WASHC2C: variants seen among roughly 807,000 people sequenced by gnomAD.
WASHC2C encodes WASH complex subunit 2C.
In WASHC2C, 73 loss-of-function variants were observed where a neutral mutation model predicts 142.2. The observed-to-expected ratio is 0.51, with a 90% CI of 0.43 to 0.62. The LOEUF (loss-of-function observed/expected upper bound fraction) is 0.62. WASHC2C is among the 20% of genes least tolerant of loss of function. The pLI is 0.00. For missense variants in WASHC2C, 969 were observed against 1,531.7 expected (o/e 0.63, Z 6.13); for synonymous variants, 337 against 565.5 (o/e 0.60, Z 5.73).
chr10:45,789,184 A>C lies in WASHC2C; in HGVS notation c.3401A>C (p.Asp1134Ala), dbSNP rs1432060279. The C allele has an allele frequency of 6.2e-7, 1 of 1,611,918 alleles. No individual in the cohort carries two copies. The highest frequency in any genetic ancestry group is 1.3e-5 in the African/African-American group (1 of 74,854). ...RGEADLFDSGDIFSTGTGSQS... is the reference protein window; with the variant it reads ...RGEADLFDSGAIFSTGTGSQS... ...GAGGCTGACCTTTTTGATTCTGGGGACATTTTTTCCACGGGCACTGGATCT... is the reference window on the plus strand; with the variant it reads ...GAGGCTGACCTTTTTGATTCTGGGGCCATTTTTTCCACGGGCACTGGATCT... Residue 1134 changes from aspartate to alanine, a missense_variant, in exon 29 of 31, where the codon GAC (aspartate) becomes GCC (alanine). Asp to Ala is a moderately radical substitution (Grantham distance 126, BLOSUM62 -2). Coordinates refer to ENST00000623400, the MANE Select transcript of WASHC2C (RefSeq NM_001330074.2).
chr10:45,777,542 T>G (rs2057202455), intron 22 of WASHC2C, 117 bp downstream of exon 22: 1 of 1,143,012 alleles, frequency 8.7e-7, no homozygotes, highest in Non-Finnish European at 1.3e-6. Flanking sequence ...GTAGACAGAT[T>G]TGAAAACATA....
At chr10:45,739,473 C>T (rs1374791332) in intron 4 of WASHC2C, among the ~76,000 whole-genome samples, 1 of 151,730 alleles carries the variant, frequency 6.6e-6, no homozygotes, top group Non-Finnish European at 1.5e-5. Flanking sequence ...GGGAGATTCT[C>T]AGCCTGTTGG....
Position 45,727,331 on chromosome 10 carries a change from C to CGGGCCGGAGAG in WASHC2C, c.3+19_3+29dup, listed in dbSNP as rs1564677050. ...CGGGCGGCTGGGATGGTGAGGGCGG[C>CGGGCCGGAGAG]GGGCCGGAGAGGGGCCGGCCTGGGC... On this transcript the variant is annotated intron_variant, in intron 1 of 30. Transcript: ENST00000623400. 6.3e-6 allele frequency: 10 copies of CGGGCCGGAGAG among 1,584,490 alleles called. No individual in the cohort carries two copies. The highest frequency in any genetic ancestry group is 8.6e-6 in the Non-Finnish European group (10 of 1,166,834).
chr10:45,760,053 A>G (rs2054893487), intron 17 of WASHC2C, among the ~76,000 whole-genome samples: 1 of 149,046 alleles, frequency 6.7e-6, no homozygotes, highest in South Asian at 2.2e-4. Flanking sequence ...CTCACTAACT[A>G]GACCGTGGCT....
intron 3 of WASHC2C, among the ~76,000 whole-genome samples, chr10:45,734,219 C>T (rs1187585631): frequency 2.0e-5 from 3 of 151,744 alleles, no homozygotes; most frequent in African/African-American, 4.8e-5. Context: ...AGCAAGACTC[C>T]GTCTCAAAAA....
In WASHC2C at chr10:45,777,315, G is replaced by A. The variant is rs377280301; in HGVS notation, c.2185G>A (p.Asp729Asn). The A allele has an allele frequency of 1.6e-5, 25 of 1,604,214 alleles. No individual in the cohort carries two copies. The highest frequency in any genetic ancestry group is 4.5e-5 in the East Asian group (2 of 44,402). ...VSEAPPLLFS[D>N]EEEKEAQLGV... Reference sequence around the variant, plus strand: ...TGAGGCACCACCTTTGCTGTTCAGCGATGAAGAAGAGAAGGAGGCACAACT... The same window carrying A: ...TGAGGCACCACCTTTGCTGTTCAGCAATGAAGAAGAGAAGGAGGCACAACT... The change falls in exon 22 of 31, where the codon GAT becomes AAT. Residue 729 changes from aspartate to asparagine, a missense_variant. Transcript: ENST00000623400.
intron 18 of WASHC2C, among the ~76,000 whole-genome samples, chr10:45,763,794 C>A (rs1392628178): frequency 2.6e-5 from 4 of 151,724 alleles, no homozygotes; most frequent in Non-Finnish European, 5.9e-5. Flanking sequence ...TCACTGTAAC[C>A]GGGTTCAGGT....
intron 15 of WASHC2C, 95 bp downstream of exon 15, chr10:45,755,210 T>C: frequency 6.6e-7 from 1 of 1,513,560 alleles, no homozygotes. Flanking sequence ...TCTCTTACAG[T>C]GCCAGAATCC....
At position 45,743,447 on chromosome 10, in the gene WASHC2C, C is replaced by T; in HGVS notation, c.586C>T (p.Gln196Ter). The T allele has an allele frequency of 6.2e-7, 1 of 1,611,868 alleles. No individual in the cohort carries two copies. Among genetic ancestry groups the T allele is most frequent in the Admixed American group, 1.7e-5 (1 of 60,010 alleles). ...CATTGGGTCAAAGCTGTTCATGGAA[C>T]AAGAAGATGTAGGTCTTGGAGAGCT... is the stretch of plus-strand genomic sequence containing the variant. ...YLIGSKLFMEQEDVGLGELSS... is the reference protein window; with the variant it reads ...YLIGSKLFME Residue 196 changes from glutamine (Q) to a stop codon, truncating the protein, a stop_gained, in exon 6 of 31, where the codon CAA becomes TAA. Transcript: ENST00000623400. LOFTEE classifies it high-confidence loss of function.
Position 45,789,338 on chromosome 10 carries a change from T to C in WASHC2C, c.3555T>C (p.Phe1185=). 1 of 1,612,052 alleles carries C rather than the reference T, an allele frequency of 6.2e-7. No homozygotes were observed. The highest frequency in any genetic ancestry group is 1.1e-5 in the South Asian group (1 of 90,994). ...AGGCCAGCAGTGATGATGATCTCTT[T>C]CAGTCTGCTAAACCAAAACCAGCAA... ...LGEASSDDDL[F]QSAKPKPAKK... is the part of the protein sequence containing the mutation. Residue 1185 remains phenylalanine (F), a synonymous_variant, in exon 29 of 31, where the codon TTT becomes TTC. Coordinates refer to ENST00000623400, the MANE Select transcript of WASHC2C (RefSeq NM_001330074.2).
In WASHC2C at chr10:45,792,431, A is replaced by G; in HGVS notation, c.*31A>G. ...ACAGGGTATCCACATGTTACCCTGC[A>G]GCTACATTGTTGAGTTAGTGATGAT... On this transcript the variant is annotated 3_prime_UTR_variant, in exon 31 of 31. Transcript: ENST00000623400. 3 of 1,561,960 alleles carry G rather than the reference A, an allele frequency of 1.9e-6. No homozygotes were observed. The highest frequency in any genetic ancestry group is 2.8e-5 in the African/African-American group (2 of 72,720).
At chr10:45,776,209 C>CCAA (rs2057066123) in intron 21 of WASHC2C, among the ~76,000 whole-genome samples, 1 of 152,012 alleles carries the variant, frequency 6.6e-6, no homozygotes, top group Non-Finnish European at 1.5e-5. Flanking sequence ...TAGCAATGTC[C>CCAA]TTCCTTAGTT....
At chr10:45,784,282 A>G (rs1212859786) in intron 23 of WASHC2C, among the ~76,000 whole-genome samples, 15 of 6,986 alleles carry the variant, frequency 2.1e-3, no homozygotes, top group Non-Finnish European at 4.6e-3. Flanking sequence ...ATATATATAT[A>G]TATATATACA....
In WASHC2C at chr10:45,775,183, C is replaced by T. The variant is rs1554885991; in HGVS notation, c.2142+1825C>T. On this transcript the variant is annotated intron_variant, in intron 21 of 30. Coordinates refer to ENST00000623400, the MANE Select transcript of WASHC2C (RefSeq NM_001330074.2). The stretch of plus-strand genomic sequence containing the variant: ...TCTTCAGACTTTCCTTATTTTCTGA[C>T]ACCTATCAAGAAAGTAAATTTGACC... Among the ~76,000 whole-genome samples the T allele has an allele frequency of 3.4e-5, 5 of 148,874 alleles. 1 individual carries two copies. The highest frequency in any genetic ancestry group is 1.0e-4 in the African/African-American group (4 of 39,986).
intron 5 of WASHC2C, 69 bp downstream of exon 5, chr10:45,740,315 AT>A: frequency 1.9e-6 from 1 of 531,228 alleles, no homozygotes. Flanking sequence ...TGGGCACACG[AT>A]TAGTAAGTCA....
chr10:45,731,372 C>A (rs1342189187), intron 3 of WASHC2C, among the ~76,000 whole-genome samples: 8 of 130,884 alleles, frequency 6.1e-5, no homozygotes, highest in African/African-American at 2.4e-4. Context: ...AGGCTCCCGC[C>A]ACCAGGCCTG....
At chr10:45,733,033 A>G (rs2050785295) in intron 3 of WASHC2C, among the ~76,000 whole-genome samples, 1 of 152,106 alleles carries the variant, frequency 6.6e-6, no homozygotes, top group African/African-American at 2.4e-5. Context: ...CCCTGCTGCT[A>G]CGGGGCCTTT....
intron 13 of WASHC2C, among the ~76,000 whole-genome samples, 185 bp downstream of exon 13, chr10:45,753,422 C>T (rs1214534145): frequency 2.1e-5 from 3 of 142,974 alleles, no homozygotes; most frequent in Non-Finnish European, 4.5e-5. Context: ...AAAACAGTAC[C>T]ATCTGTAAAC....
chr10:45,727,273 G>A lies in WASHC2C; in HGVS notation c.-45G>A, dbSNP rs754295913. 1 of 1,546,730 alleles carries A rather than the reference G, an allele frequency of 6.5e-7. No homozygotes were observed. Among genetic ancestry groups the A allele is most frequent in the South Asian group, 1.2e-5 (1 of 84,250 alleles). On this transcript the variant is annotated 5_prime_UTR_variant, in exon 1 of 31. Transcript: ENST00000623400. ...AGGCTTCCGGGGCTCTGCGGTCCTC[G>A]GCCTGTGCTGGCAGCCTCGGAGCCC... is the stretch of plus-strand genomic sequence containing the variant.
Sources: allele counts gnomAD v4.1 joint callset (sites outside exome capture counted in the v4.1 genomes callset), GRCh38; gene constraint gnomAD v4.1.1; transcripts MANE v1.5; gene names NCBI Gene and HGNC (gene_info 2026-07-23, HGNC 2026-07-21).